The following CDC42EP5 variants were observed in gnomAD, a reference collection of about 807,000 sequenced individuals.
CDC42EP5 encodes the protein CDC42 effector protein 5.
For synonymous variants in CDC42EP5, 118 were observed against 123.3 expected (o/e 0.96, Z 0.28); for missense variants, 269 against 238.0 (o/e 1.13, Z -0.86).
chr19:54,468,830 G>A (rs1405015292), intron 2 of CDC42EP5, among the ~76,000 whole-genome samples: 1 of 151,520 alleles, frequency 6.6e-6, no homozygotes, highest in Non-Finnish European at 1.5e-5. Context: ...GAGATTACAG[G>A]TGTGTGCCAG....
At chr19:54,472,815 T>C (rs1209668743) in intron 1 of CDC42EP5, among the ~76,000 whole-genome samples, 24 of 47,608 alleles carry the variant, frequency 5.0e-4, no homozygotes, top group African/African-American at 1.3e-3. Flanking sequence ...CCCAGCCCCT[T>C]CTTCCTCAGA....
intron 1 of CDC42EP5, among the ~76,000 whole-genome samples, chr19:54,472,542 ATCC>A (rs2084858273): frequency 3.0e-5 from 1 of 33,260 alleles, no homozygotes; most frequent in Non-Finnish European, 5.2e-5. Flanking sequence ...AGGAGTCAAG[ATCC>A]CCCCAGCCCC....
At chr19:54,468,920 C>CTTCTTTCTTTCTTTCTTTCTTTCTTTCT in intron 2 of CDC42EP5, among the ~76,000 whole-genome samples, 1 of 124,010 alleles carries the variant, frequency 8.1e-6, no homozygotes, top group East Asian at 3.1e-4. Flanking sequence ...TCCTTCCTTC[C>CTTCTTTCTTTCTTTCTTTCTTTCTTTCT]TTCTTTCTTT....
At position 54,465,313 on chromosome 19, in the gene CDC42EP5, A is replaced by G. The variant is rs541272939; in HGVS notation, c.235T>C (p.Ser79Pro). 1.6e-4 allele frequency: 196 copies of G among 1,214,078 alleles called. No homozygotes were observed. The African/African-American group carries it at 2.2e-3, about 14-fold the overall frequency. The allele number at this position is 1,214,078 out of a possible 1,614,324, so 75.2% of individuals were successfully genotyped here. A position where few individuals can be genotyped will look rare whatever the true frequency, so the allele number is the denominator to read the frequency against. Residue 79 changes from serine (S) to proline (P), a missense_variant, in exon 3 of 3, where the codon TCC becomes CCC. Physicochemically the swap from Ser to Pro is moderately conservative, Grantham distance 74 (BLOSUM62 -1). Coordinates refer to ENST00000301200, the MANE Select transcript of CDC42EP5 (RefSeq NM_145057.4). ...RSPPPPAVPQ[S>P]AAPSPADPLL... ...GGGTCGGCAGGCGAGGGCGCTGCGGACTGCGGGACGGCGGGCGGCGGCGGG... is the reference window on the plus strand; with the variant it reads ...GGGTCGGCAGGCGAGGGCGCTGCGGGCTGCGGGACGGCGGGCGGCGGCGGG...
chr19:54,470,960 A>G (rs888271941), intron 2 of CDC42EP5, among the ~76,000 whole-genome samples: 1 of 152,136 alleles, frequency 6.6e-6, no homozygotes, highest in Non-Finnish European at 1.5e-5. Flanking sequence ...TCGTTTTCGA[A>G]TGCCACCTCT....
chr19:54,466,036 C>T (rs996271659), intron 2 of CDC42EP5, among the ~76,000 whole-genome samples: 10 of 152,238 alleles, frequency 6.6e-5, no homozygotes, highest in African/African-American at 2.4e-4. Flanking sequence ...TGCCTATGAA[C>T]ACCATGCTAT....
At chr19:54,470,146 T>G (rs1209592358) in intron 2 of CDC42EP5, among the ~76,000 whole-genome samples, 1 of 152,064 alleles carries the variant, frequency 6.6e-6, no homozygotes, top group Non-Finnish European at 1.5e-5. Context: ...GACAGCAGGA[T>G]CACTTGAGCC....
chr19:54,468,456 A>G (rs1003359247), intron 2 of CDC42EP5, among the ~76,000 whole-genome samples: 1 of 152,064 alleles, frequency 6.6e-6, no homozygotes, highest in Non-Finnish European at 1.5e-5. Context: ...TCTGACCTCA[A>G]CCTAGATGAA....
At chr19:54,469,405 A>G (rs1166249908) in intron 2 of CDC42EP5, among the ~76,000 whole-genome samples, 1 of 152,208 alleles carries the variant, frequency 6.6e-6, no homozygotes, top group Non-Finnish European at 1.5e-5. Flanking sequence ...CTAGCTGCTA[A>G]CAGAGCCTAT....
intron 2 of CDC42EP5, among the ~76,000 whole-genome samples, chr19:54,468,158 A>G (rs991893293): frequency 6.6e-6 from 1 of 152,170 alleles, no homozygotes. Context: ...CGTTGGGGGG[A>G]AAATATTTCC....
intron 2 of CDC42EP5, among the ~76,000 whole-genome samples, chr19:54,468,720 T>A (rs1366138443): frequency 6.7e-6 from 1 of 148,154 alleles, no homozygotes; most frequent in Non-Finnish European, 1.5e-5. Context: ...TTTTTGTATT[T>A]TTTTTTTTTT....
Position 54,465,144 on chromosome 19 carries a change from C to A in CDC42EP5, c.404G>T (p.Arg135Leu). The change falls in exon 3 of 3, where the codon CGC (arginine) becomes CTC (leucine). Residue 135 changes from arginine to leucine, a missense_variant. By Grantham distance (102) the Arg-to-Leu change is moderately radical. Coordinates refer to ENST00000301200, the MANE Select transcript of CDC42EP5 (RefSeq NM_145057.4). ...GTTCAGCTCGAGGTCCGCGTTGGGG[C>A]GGCAGCGGGCCTGGGGGGGCTGCGT... ...PGTQPPQARC[R>L]PNADLELNDV... The A allele has an allele frequency of 1.4e-6, 2 of 1,396,304 alleles. No individual in the cohort carries two copies. The highest frequency in any genetic ancestry group is 1.8e-6 in the Non-Finnish European group (2 of 1,082,640). The allele number at this position is 1,396,304 out of a possible 1,614,324, so 86.5% of individuals were successfully genotyped here.
intron 2 of CDC42EP5, among the ~76,000 whole-genome samples, chr19:54,469,945 A>G (rs1408650481): frequency 2.0e-5 from 3 of 152,142 alleles, no homozygotes; most frequent in African/African-American, 7.2e-5. Flanking sequence ...ACCTGGCAAC[A>G]CACATAAAGT....
In CDC42EP5 at chr19:54,465,470, C is replaced by T; in HGVS notation, c.78G>A (p.Pro26=). 3 of 1,517,898 alleles carry T rather than the reference C, an allele frequency of 2.0e-6. No homozygotes were observed. Among genetic ancestry groups the T allele is most frequent in the Non-Finnish European group, 1.7e-6 (2 of 1,144,916 alleles). The allele number at this position is 1,517,898 out of a possible 1,614,324, so 94.0% of individuals were successfully genotyped here. A position where few individuals can be genotyped will look rare whatever the true frequency, so the allele number is the denominator to read the frequency against. ...PDRGALSISA[P]LGDFRHTLHV... ...GCAGCGTGTGCCGGAAGTCGCCGAGCGGCGCGGAGATGGACAGGGCGCCGC... is the reference window on the plus strand; with the variant it reads ...GCAGCGTGTGCCGGAAGTCGCCGAGTGGCGCGGAGATGGACAGGGCGCCGC... The change falls in exon 3 of 3, where the codon CCG becomes CCA. Residue 26 remains proline (P), a synonymous_variant. Transcript: ENST00000301200.
At chr19:54,471,410 C>A (rs1249227659) in intron 2 of CDC42EP5, 135 bp downstream of exon 2, 1 of 152,008 alleles carries the variant, frequency 6.6e-6, no homozygotes, top group African/African-American at 2.4e-5. Context: ...GTCGGGGGAC[C>A]CCAGATGGGG....
chr19:54,468,950 T>G, intron 2 of CDC42EP5, among the ~76,000 whole-genome samples: 1 of 146,690 alleles, frequency 6.8e-6, no homozygotes, highest in African/African-American at 2.6e-5. Context: ...CCTCCCTCCC[T>G]CCTTCCTTCC....
At position 54,465,563 on chromosome 19, in the gene CDC42EP5, G is replaced by T. The variant is rs773819290; in HGVS notation, c.1-16C>A. ...GCACGGGCATCTGCGAGGGGCACGG[G>T]AGGGTCAGCGCGGCCCCAGCCCGGG... On this transcript the variant is annotated splice_polypyrimidine_tract_variant and intron_variant, in intron 2 of 2. Coordinates refer to ENST00000301200, the MANE Select transcript of CDC42EP5 (RefSeq NM_145057.4). 6.7e-7 allele frequency: 1 copy of T among 1,494,178 alleles called. No homozygotes were observed. Among genetic ancestry groups the T allele is most frequent in the Non-Finnish European group, 8.8e-7 (1 of 1,134,004 alleles). The allele number at this position is 1,494,178 out of a possible 1,614,324, so 92.6% of individuals were successfully genotyped here.
At position 54,465,498 on chromosome 19, in the gene CDC42EP5, T is replaced by C; in HGVS notation, c.50A>G (p.Asp17Gly). 1 of 1,538,870 alleles carries C rather than the reference T, an allele frequency of 6.5e-7. No individual in the cohort carries two copies. The highest frequency in any genetic ancestry group is 8.7e-7 in the Non-Finnish European group (1 of 1,155,138). ...CGCGGAGATGGACAGGGCGCCGCGA[T>C]CAGGCCGCTTCTTGGGCTGCGCGGG... ...LGPAQPKKRP[D>G]RGALSISAPL... Residue 17 changes from aspartate to glycine, a missense_variant, in exon 3 of 3, where the codon GAT becomes GGT. Asp to Gly is a moderately conservative substitution (Grantham distance 94). Transcript: ENST00000301200.
At chr19:54,466,629 G>C (rs2084758638) in intron 2 of CDC42EP5, among the ~76,000 whole-genome samples, 1 of 152,064 alleles carries the variant, frequency 6.6e-6, no homozygotes, top group South Asian at 2.1e-4. Flanking sequence ...ACAGTCCTTG[G>C]TATCTGTGGG....
Sources: allele counts gnomAD v4.1 joint callset (sites outside exome capture counted in the v4.1 genomes callset), GRCh38; gene constraint gnomAD v4.1.1; transcripts MANE v1.5; gene names NCBI Gene and HGNC (gene_info 2026-07-23, HGNC 2026-07-21).